RGP1: variants seen among roughly 807,000 people sequenced by gnomAD.
RGP1 encodes the protein RAB6A-GEF complex partner protein 2.
In RGP1, 28 loss-of-function variants were observed where a neutral mutation model predicts 44.5. The observed-to-expected ratio is 0.63, with a 90% CI of 0.47 to 0.86. The LOEUF is 0.86. Ranked by LOEUF, RGP1 falls within the 40% of genes least tolerant of loss-of-function variation. RGP1 has a pLI of 0.00. For missense variants in RGP1, 417 were observed against 490.7 expected (o/e 0.85, Z 1.42); for synonymous variants, 212 against 196.7 (o/e 1.08, Z -0.65).
At chr9:35,750,505 G>A in intron 3 of RGP1, 126 bp downstream of exon 3, 1 of 1,324,262 alleles carries the variant, frequency 7.6e-7, no homozygotes. Flanking sequence ...GGGATGTTGG[G>A]GAGCATGACT....
At chr9:35,778,491 G>A in the RGP1 span, among the ~76,000 whole-genome samples, 3 of 152,138 alleles carry the variant, frequency 2.0e-5, no homozygotes, top group African/African-American at 7.2e-5. Flanking sequence ...TATTAACTCT[G>A]TAGAAGGATG....
the RGP1 span, among the ~76,000 whole-genome samples, chr9:35,787,594 C>G: frequency 6.6e-6 from 1 of 152,188 alleles, no homozygotes; most frequent in Admixed American, 6.5e-5. Flanking sequence ...GATCTACAAC[C>G]ATACTGTGCA....
At chr9:35,772,147 C>A in the RGP1 span, 4 of 152,180 alleles carry the variant, frequency 2.6e-5, no homozygotes, top group Non-Finnish European at 5.9e-5. Flanking sequence ...GAAACAAGGT[C>A]ATTTTCTACT....
In RGP1 at chr9:35,752,057, G is replaced by A. The variant is rs1436602628; in HGVS notation, c.864G>A (p.Arg288=). 4.3e-6 allele frequency: 7 copies of A among 1,611,232 alleles called. No homozygotes were observed. The highest frequency in any genetic ancestry group is 5.1e-6 in the Non-Finnish European group (6 of 1,178,466). ...VPSVSHVTHA[R]HQESCLHTTR... ...CTGTGTCACATGTGACTCACGCCCG[G>A]CACCAGGAATCCTGCCTACATACAA... The change falls in exon 8 of 9, where the codon CGG becomes CGA. Residue 288 remains arginine (R), a synonymous_variant. Transcript: ENST00000378078.
chr9:35,760,666 G>C (rs555495979), downstream of RGP1, among the ~76,000 whole-genome samples: 1 of 152,316 alleles, frequency 6.6e-6, no homozygotes, highest in Admixed American at 6.5e-5. Context: ...TACTGAATCA[G>C]AAACGCTGAA....
the RGP1 span, among the ~76,000 whole-genome samples, chr9:35,784,178 G>A: frequency 2.0e-5 from 3 of 152,060 alleles, no homozygotes; most frequent in Non-Finnish European, 4.4e-5. Flanking sequence ...TATAGTCTAG[G>A]TATTAACCCC....
At chr9:35,760,711 T>C (rs1034917817), downstream of RGP1, among the ~76,000 whole-genome samples, 4 of 151,750 alleles carry the variant, frequency 2.6e-5, no homozygotes, top group Admixed American at 1.3e-4. Context: ...TACAAGACAC[T>C]ACCTTCCCAC....
chr9:35,751,777 T>C, intron 7 of RGP1, 23 bp downstream of exon 7: 2 of 1,613,742 alleles, frequency 1.2e-6, no homozygotes, highest in Non-Finnish European at 1.7e-6. Context: ...CAGAGCTTCT[T>C]ACCTGCTGGG....
chr9:35,749,390 C>T lies in RGP1; in HGVS notation c.-38C>T, dbSNP rs757981833. 5.4e-6 allele frequency: 3 copies of T among 550,718 alleles called. No individual in the cohort carries two copies. The highest frequency in any genetic ancestry group is 1.1e-5 in the Non-Finnish European group (3 of 270,728). The allele number at this position is 550,718 out of a possible 1,614,324, so 34.1% of individuals were successfully genotyped here. A position where few individuals can be genotyped will look rare whatever the true frequency, so the allele number is the denominator to read the frequency against. On this transcript the variant is annotated 5_prime_UTR_variant, in exon 1 of 9. Transcript: ENST00000378078. The surrounding 1 kb of genome is among the most constrained non-coding windows in gnomAD (Gnocchi z 4.4). ...AGATGAGGCCTAGGGGTGCCGATCC[C>T]TAGTGTCGACTATGCGAGGTGACTA...
chr9:35,786,650 T>A, the RGP1 span: 2 of 152,200 alleles, frequency 1.3e-5, no homozygotes, highest in Non-Finnish European at 2.9e-5. Context: ...CTCTTAGGAA[T>A]CTTTGGCCAT....
At chr9:35,783,278 A>T in the RGP1 span, among the ~76,000 whole-genome samples, 1 of 152,198 alleles carries the variant, frequency 6.6e-6, no homozygotes, top group Non-Finnish European at 1.5e-5. Context: ...TAATTATCAA[A>T]TTAAGACAAT....
chr9:35,755,943 C>G lies in RGP1; in HGVS notation c.*3069C>G, dbSNP rs1265260899. 2 of 152,298 alleles carry G rather than the reference C, an allele frequency of 1.3e-5. No individual in the cohort carries two copies. Among genetic ancestry groups the G allele is most frequent in the Admixed American group, 1.3e-4 (2 of 15,292 alleles). 9.4% of individuals were successfully genotyped at this position (152,298 alleles called of 1,614,324 possible). A position where few individuals can be genotyped will look rare whatever the true frequency, so the allele number is the denominator to read the frequency against. On this transcript the variant is annotated 3_prime_UTR_variant, in exon 9 of 9. Coordinates refer to ENST00000378078, the MANE Select transcript of RGP1 (RefSeq NM_001080496.3). ...CCCAATAAGCCTTCTTCCCCCAGAT[C>G]TGCACCCTCGCCTCTACCCTAGGAC...
chr9:35,749,415 A>G lies in RGP1; in HGVS notation c.-20+7A>G, dbSNP rs544489386. The G allele has an allele frequency of 5.7e-5, 32 of 563,550 alleles. No individual in the cohort carries two copies. The highest frequency in any genetic ancestry group is 5.6e-4 in the African/African-American group (30 of 53,110). 34.9% of individuals were successfully genotyped at this position (563,550 alleles called of 1,614,324 possible). The stretch of plus-strand genomic sequence containing the variant: ...CTAGTGTCGACTATGCGAGGTGACT[A>G]GCGGCGGTGATCTTGGGCTGGGACG... On this transcript the variant is annotated splice_region_variant and intron_variant, in intron 1 of 8. Transcript: ENST00000378078. The surrounding 1 kb of genome is among the most constrained non-coding windows in gnomAD (Gnocchi z 4.4).
At chr9:35,764,033 G>A in the RGP1 span, among the ~76,000 whole-genome samples, 5 of 151,796 alleles carry the variant, frequency 3.3e-5, no homozygotes, top group South Asian at 2.1e-4. Flanking sequence ...GTGGGAGGAC[G>A]GCTTGAGGCT....
At position 35,752,969 on chromosome 9, in the gene RGP1, C is replaced by T. The variant is rs1214083146; in HGVS notation, c.*95C>T. On this transcript the variant is annotated 3_prime_UTR_variant, in exon 9 of 9. Coordinates refer to ENST00000378078, the MANE Select transcript of RGP1 (RefSeq NM_001080496.3). ...ACTTTTTCCACCTGGGGTCCAATGTCGTGGACAGTGAGAGTCGGGCTTTCA... is the reference window on the plus strand; with the variant it reads ...ACTTTTTCCACCTGGGGTCCAATGTTGTGGACAGTGAGAGTCGGGCTTTCA... 1.2e-5 allele frequency: 18 copies of T among 1,524,830 alleles called. No individual in the cohort carries two copies. The highest frequency in any genetic ancestry group is 5.5e-5 in the African/African-American group (4 of 72,702). 94.5% of individuals were successfully genotyped at this position (1,524,830 alleles called of 1,614,324 possible).
chr9:35,772,888 G>C, the RGP1 span, among the ~76,000 whole-genome samples: 1 of 151,688 alleles, frequency 6.6e-6, no homozygotes, highest in East Asian at 1.9e-4. Flanking sequence ...GAGCTATAAA[G>C]TTGTGTTTTA....
In RGP1 at chr9:35,753,828, T is replaced by A; in HGVS notation, c.*954T>A. ...AGTGCTGATGAGAGGCAGAGGCTCT[T>A]CTGGTCTGGGGTGGAGACAGTAAGT... On this transcript the variant is annotated 3_prime_UTR_variant, in exon 9 of 9. Transcript: ENST00000378078. This position sits in a 1 kb window ranked among gnomAD's most constrained non-coding sequence, Gnocchi z 4.2. The A allele has an allele frequency of 1.9e-6, 3 of 1,551,226 alleles. No individual in the cohort carries two copies. The highest frequency in any genetic ancestry group is 2.7e-6 in the Non-Finnish European group (3 of 1,125,698).
At chr9:35,766,912 C>G in the RGP1 span, among the ~76,000 whole-genome samples, 1 of 152,144 alleles carries the variant, frequency 6.6e-6, no homozygotes, top group African/African-American at 2.4e-5. Flanking sequence ...TCCTTGCTCC[C>G]TTGGAGTTTA....
chr9:35,784,121 CAT>C, the RGP1 span, among the ~76,000 whole-genome samples: 1 of 152,092 alleles, frequency 6.6e-6, no homozygotes, highest in Non-Finnish European at 1.5e-5. Context: ...ATTTAAAAAT[CAT>C]ATTATTTGGG....
Sources: gnomAD v4.1 joint callset for allele counts (sites outside exome capture counted in the v4.1 genomes callset) on GRCh38, gnomAD v4.1.1 for gene constraint, Gnocchi (gnomAD v3.1) non-coding constraint, MANE v1.5 for transcripts, NCBI Gene and HGNC (gene_info 2026-07-23, HGNC 2026-07-21) for gene names.